The following ZNF688 variants were observed in gnomAD, a reference collection of about 807,000 sequenced individuals.
ZNF688 encodes the protein zinc finger protein 688.
In ZNF688, 10 loss-of-function variants were observed where a neutral mutation model predicts 13.2. That is an observed-to-expected ratio of 0.76 (90% CI 0.47 to 1.28). ZNF688 has a LOEUF of 1.28. Among genes scored for constraint, ZNF688 ranks in the 50% most tolerant of loss-of-function variants. ZNF688 has a pLI of 0.00. For synonymous variants in ZNF688, 160 were observed against 159.4 expected (o/e 1.00, Z -0.03); for missense variants, 381 against 391.4 (o/e 0.97, Z 0.22).
intron 2 of ZNF688, 26 bp downstream of exon 2, chr16:30,570,984 T>C: frequency 1.9e-6 from 3 of 1,612,772 alleles, no homozygotes; most frequent in African/African-American, 1.3e-5. Context: ...GAAAACCAAG[T>C]GGGGGGACCC....
chr16:30,577,269 T>G (rs1359813301), upstream of ZNF688, among the ~76,000 whole-genome samples: 1 of 152,212 alleles, frequency 6.6e-6, no homozygotes, highest in Non-Finnish European at 1.5e-5. Context: ...AAAAATACTT[T>G]TGTTTCTTCA....
At chr16:30,572,289 G>A, upstream of ZNF688, 2 of 1,498,146 alleles carry the variant, frequency 1.3e-6, no homozygotes, top group East Asian at 2.6e-5. Flanking sequence ...CGGTGCTCGG[G>A]ATTGTGTCCC....
At chr16:30,573,109 T>C (rs34114657), upstream of ZNF688, among the ~76,000 whole-genome samples, 34,686 of 151,412 alleles carry the variant, frequency 0.23, 4,475 homozygotes, top group South Asian at 0.64. Flanking sequence ...TTTCTCCATA[T>C]TAAGTCAGGC....
chr16:30,571,366 G>A (rs528159269), intron 1 of ZNF688, 68 bp downstream of exon 1: 1 of 1,536,430 alleles, frequency 6.5e-7, no homozygotes, highest in East Asian at 2.4e-5. Context: ...CAGTCCTCTC[G>A]GCCCTTCTAC....
upstream of ZNF688, chr16:30,572,142 C>T: frequency 6.2e-7 from 1 of 1,601,874 alleles, no homozygotes; most frequent in East Asian, 2.3e-5. Flanking sequence ...CCGCAATACG[C>T]AACGGCCGAT....
upstream of ZNF688, chr16:30,572,116 A>C (rs1370350533): frequency 6.3e-7 from 1 of 1,579,894 alleles, no homozygotes; most frequent in Admixed American, 1.8e-5. Flanking sequence ...CCGAAGCTTC[A>C]CTTACCCCTC....
upstream of ZNF688, among the ~76,000 whole-genome samples, chr16:30,574,813 T>C (rs2051731687): frequency 6.6e-6 from 1 of 152,154 alleles, no homozygotes; most frequent in African/African-American, 2.4e-5. Context: ...TTATCCCTTC[T>C]TCCTAAGTGT....
upstream of ZNF688, chr16:30,572,615 G>C (rs142509557): frequency 2.5e-3 from 477 of 192,730 alleles, 2 homozygotes; most frequent in African/African-American, 0.011. Flanking sequence ...ACAGGGTCTT[G>C]CTCTGTGGCC....
rs752183914 is a variant in ZNF688 at position 30,570,145 on chromosome 16, T to G, written c.602A>C (p.His201Pro). 1.9e-6 allele frequency: 3 copies of G among 1,611,370 alleles called. No homozygotes were observed. In the Admixed American group the frequency reaches 5.0e-5, roughly 27 times the overall value. Residue 201 changes from histidine to proline, a missense_variant, in exon 3 of 3, where the codon CAC (histidine) becomes CCC (proline). Physicochemically the swap from His to Pro is moderately conservative, Grantham distance 77. Transcript: ENST00000223459. ...RFTYPSLLVS[H>P]RRMHSGERPF... is the part of the protein sequence containing the mutation. Reference sequence around the variant, plus strand: ...CCGCTCCCCCGAGTGCATGCGCCTGTGGCTGACCAGCAGTGAGGGGTAGGT... The same window carrying G: ...CCGCTCCCCCGAGTGCATGCGCCTGGGGCTGACCAGCAGTGAGGGGTAGGT...
upstream of ZNF688, among the ~76,000 whole-genome samples, chr16:30,577,233 T>G (rs1397397528): frequency 6.6e-6 from 1 of 152,166 alleles, no homozygotes; most frequent in Non-Finnish European, 1.5e-5. Flanking sequence ...TGGATTCTCC[T>G]TTTAAACAGA....
upstream of ZNF688, chr16:30,571,735 C>G: frequency 7.5e-7 from 1 of 1,337,962 alleles, no homozygotes; most frequent in Non-Finnish European, 9.5e-7. Flanking sequence ...CCCGCCCAGC[C>G]GTGGCGTCCG....
chr16:30,574,706 A>G (rs566261248), upstream of ZNF688, among the ~76,000 whole-genome samples: 3 of 152,198 alleles, frequency 2.0e-5, no homozygotes, highest in African/African-American at 7.2e-5. Context: ...TAACATTTCT[A>G]TGTGTTGGGA....
Position 30,571,116 on chromosome 16 carries a change from T to TG in ZNF688, c.203dup (p.Gly69ArgfsTer15). On this transcript the variant is annotated frameshift_variant, in exon 2 of 3. Transcript: ENST00000223459. LOFTEE classifies it high-confidence loss of function. ...AAGAGATGAGGGCTGGTTTGGGGCC[T>TG]GGGAATCCTGGGAGAGAACAGGGAT... is the stretch of plus-strand genomic sequence containing the variant. 6.4e-7 allele frequency: 1 copy of TG among 1,574,460 alleles called. No individual in the cohort carries two copies. Among genetic ancestry groups the TG allele is most frequent in the African/African-American group, 1.4e-5 (1 of 73,026 alleles).
intron 1 of ZNF688, 74 bp downstream of exon 1, chr16:30,571,360 C>T: frequency 1.3e-6 from 2 of 1,534,800 alleles, no homozygotes; most frequent in Non-Finnish European, 1.8e-6. Context: ...GGCTCACAGT[C>T]CTCTCGGCCC....
upstream of ZNF688, among the ~76,000 whole-genome samples, chr16:30,574,706 A>T (rs566261248): frequency 6.6e-6 from 1 of 152,316 alleles, no homozygotes; most frequent in South Asian, 2.1e-4. Flanking sequence ...TAACATTTCT[A>T]TGTGTTGGGA....
chr16:30,572,269 T>A (rs1402136790), upstream of ZNF688: 2 of 1,533,662 alleles, frequency 1.3e-6, no homozygotes, highest in East Asian at 5.0e-5. Context: ...AGCGGAGACC[T>A]CGGCATCTGC....
chr16:30,569,950 C>G lies in ZNF688; in HGVS notation c.797G>C (p.Arg266Pro). Reference protein sequence around the residue: ...RGDRDPPVLFRHYPDIFEECG With the variant: ...RGDRDPPVLFPHYPDIFEECG ...CTCCTCGAAGATGTCTGGGTAGTGC[C>G]GGAAGAGCACAGGCGGGTCCCGGTC... The change falls in exon 3 of 3, where the codon CGG (arginine) becomes CCG (proline). Residue 266 changes from arginine (R) to proline (P), a missense_variant. Arg to Pro is a moderately radical substitution (Grantham distance 103). Coordinates refer to ENST00000223459, the MANE Select transcript of ZNF688 (RefSeq NM_145271.4). 6 of 1,582,134 alleles carry G rather than the reference C, an allele frequency of 3.8e-6. No homozygotes were observed. The highest frequency in any genetic ancestry group is 5.1e-6 in the Non-Finnish European group (6 of 1,165,430).
upstream of ZNF688, among the ~76,000 whole-genome samples, chr16:30,575,884 G>A (rs139081462): frequency 8.7e-4 from 133 of 152,098 alleles, no homozygotes; most frequent in African/African-American, 2.1e-3. Flanking sequence ...TTGAACTCCC[G>A]ACCTCAGGTG....
upstream of ZNF688, chr16:30,573,619 C>A (rs1191572433): frequency 6.2e-6 from 1 of 160,420 alleles, no homozygotes; most frequent in Non-Finnish European, 1.3e-5. Context: ...TTGCTTGGCT[C>A]CCCTGCCAGC....
Sources: gnomAD v4.1 joint callset for allele counts (sites outside exome capture counted in the v4.1 genomes callset) on GRCh38, gnomAD v4.1.1 for gene constraint, MANE v1.5 for transcripts, NCBI Gene and HGNC (gene_info 2026-07-23, HGNC 2026-07-21) for gene names.